Variants in DIS3L2 observed in about 807,000 individuals in gnomAD.
DIS3L2 encodes the protein DIS3 like 3'-5' exoribonuclease 2, also known as DIS3-like exonuclease 2.
Under a neutral mutation model 97.5 loss-of-function variants are expected in DIS3L2, and 34 were observed. That is an observed-to-expected ratio of 0.35 (90% confidence interval 0.27 to 0.46). DIS3L2 has a LOEUF of 0.46. DIS3L2 is among the 20% of genes least tolerant of loss of function. The probability of loss-of-function intolerance (pLI) is 1.00; values close to 1 mark genes in which losing one functional copy is unlikely to be tolerated. For synonymous variants in DIS3L2, 435 were observed against 445.2 expected, an observed-to-expected ratio of 0.98 and a Z score of 0.29; for missense variants, 1,038 against 1,146.0, an observed-to-expected ratio of 0.91 and a Z score of 1.36.
At chr2:232,114,896 A>G (rs931796458) in intron 6 of DIS3L2, among the ~76,000 whole-genome samples, 2 of 152,224 alleles carry the variant, frequency 1.3e-5, no homozygotes, top group African/African-American at 2.4e-5. Flanking sequence ...ATGGAGTATA[A>G]GAAGTCCAAG....
At chr2:231,964,725 C>G (rs1389023554) in intron 1 of DIS3L2, among the ~76,000 whole-genome samples, 1 of 152,136 alleles carries the variant, frequency 6.6e-6, no homozygotes, top group African/African-American at 2.4e-5. Flanking sequence ...TATTAAGCAT[C>G]TACAGCATTA....
rs147334993 is a variant in DIS3L2 at position 232,294,976 on chromosome 2, G to A, written c.1660-5064G>A. Among the ~76,000 whole-genome samples the A allele has an allele frequency of 2.1e-3, 317 of 151,848 alleles. 2 individuals carry two copies. Among genetic ancestry groups the A allele is most frequent in the African/African-American group, 7.1e-3 (295 of 41,380 alleles). ...CCATTTATTTCCTTCCTGTTCCCCC[G>A]TAGGTCTCCTGGTCCATATGCTGCC... On this transcript the variant is annotated intron_variant, in intron 13 of 20. Coordinates refer to ENST00000325385, the MANE Select transcript of DIS3L2 (RefSeq NM_152383.5).
At chr2:232,181,608 G>A (rs1247824920) in intron 9 of DIS3L2, among the ~76,000 whole-genome samples, 1 of 151,786 alleles carries the variant, frequency 6.6e-6, no homozygotes, top group Non-Finnish European at 1.5e-5. Flanking sequence ...GATCGCATCG[G>A]CCACCATGCC....
intron 6 of DIS3L2, among the ~76,000 whole-genome samples, chr2:232,101,023 G>A (rs1230087390): frequency 6.6e-6 from 1 of 151,994 alleles, no homozygotes. Flanking sequence ...ATCAGTTGAG[G>A]TCAGGAGTTT....
intron 5 of DIS3L2, among the ~76,000 whole-genome samples, chr2:232,077,941 CTTTT>C (rs1211746914): frequency 2.0e-5 from 3 of 148,456 alleles, no homozygotes; most frequent in Non-Finnish European, 4.5e-5. Flanking sequence ...TTCTTTCTTT[CTTTT>C]TCTTTCTTTC....
chr2:232,329,785 T>TGCCGGGGGGGGGCG, intron 14 of DIS3L2, 28 bp from the exon 15 acceptor site: 9 of 967,142 alleles, frequency 9.3e-6, no homozygotes, highest in African/African-American at 1.7e-5. Context: ...ACCCCAGCGG[T>TGCCGGGGGGGGGCG]CCCTCCCATC....
At chr2:232,225,758 A>G (rs910660309) in intron 10 of DIS3L2, among the ~76,000 whole-genome samples, 1 of 152,200 alleles carries the variant, frequency 6.6e-6, no homozygotes, top group Admixed American at 6.5e-5. Flanking sequence ...ATGAAGGAGT[A>G]CAAAAAAAAT....
intron 5 of DIS3L2, among the ~76,000 whole-genome samples, chr2:232,086,715 AC>A (rs1175865741): frequency 1.4e-5 from 2 of 146,764 alleles, no homozygotes; most frequent in Non-Finnish European, 3.0e-5. Context: ...TCGCTCTGTC[AC>A]CCAGACTGGA....
At chr2:232,324,495 G>A (rs980207886) in intron 14 of DIS3L2, among the ~76,000 whole-genome samples, 6 of 152,094 alleles carry the variant, frequency 3.9e-5, no homozygotes, top group African/African-American at 1.4e-4. Context: ...TTGGGCACTG[G>A]TCCTGCCCCT....
intron 14 of DIS3L2, among the ~76,000 whole-genome samples, chr2:232,303,516 C>G (rs932483221): frequency 6.6e-6 from 1 of 152,206 alleles, no homozygotes; most frequent in African/African-American, 2.4e-5. Flanking sequence ...TACTGCCTTT[C>G]CTTTTTGGAT....
At chr2:232,000,214 A>T (rs1440384915) in intron 1 of DIS3L2, among the ~76,000 whole-genome samples, 1 of 152,166 alleles carries the variant, frequency 6.6e-6, no homozygotes, top group African/African-American at 2.4e-5. Flanking sequence ...TTCTTTTTAA[A>T]AATTGTTGTA....
intron 5 of DIS3L2, among the ~76,000 whole-genome samples, chr2:232,031,337 A>G (rs1462903996): frequency 6.6e-6 from 1 of 152,166 alleles, no homozygotes; most frequent in Non-Finnish European, 1.5e-5. Context: ...CCAGGTATTC[A>G]TAGGGTGTAG....
At chr2:232,321,032 G>A (rs1695416646) in intron 14 of DIS3L2, among the ~76,000 whole-genome samples, 1 of 152,182 alleles carries the variant, frequency 6.6e-6, no homozygotes, top group Non-Finnish European at 1.5e-5. Context: ...GGTGCGGGGA[G>A]CAGAGGGGGC....
At chr2:232,111,162 A>G (rs774179109) in intron 6 of DIS3L2, 1 of 451,978 alleles carries the variant, frequency 2.2e-6, no homozygotes, top group South Asian at 1.6e-5. Context: ...AAAGTTTAGA[A>G]ACAACTGATA....
chr2:232,108,127 T>G (rs553817118), intron 6 of DIS3L2, among the ~76,000 whole-genome samples: 6 of 151,822 alleles, frequency 4.0e-5, no homozygotes, highest in African/African-American at 1.4e-4. Flanking sequence ...AGTGTAAAAA[T>G]CCTCAAAAAA....
At chr2:232,272,118 T>G (rs1256503261) in intron 13 of DIS3L2, among the ~76,000 whole-genome samples, 1 of 152,224 alleles carries the variant, frequency 6.6e-6, no homozygotes, top group African/African-American at 2.4e-5. Context: ...GTGCTTACTC[T>G]CCTTGTAGGC....
At chr2:231,977,509 T>C (rs535564673) in intron 1 of DIS3L2, among the ~76,000 whole-genome samples, 83 of 152,354 alleles carry the variant, frequency 5.4e-4, no homozygotes, top group Non-Finnish European at 1.0e-3. Flanking sequence ...GGATCCTGCC[T>C]CAGCTTAAGG....
chr2:232,343,267 C>A, intron 13 of DIS3L2: 1 of 1,260,660 alleles, frequency 7.9e-7, no homozygotes, highest in Non-Finnish European at 1.1e-6. Flanking sequence ...TGAGTAGGCT[C>A]ACCTTTCACT....
chr2:232,049,094 C>G (rs1695328392), intron 5 of DIS3L2, among the ~76,000 whole-genome samples: 2 of 152,064 alleles, frequency 1.3e-5, no homozygotes, highest in Admixed American at 1.3e-4. Context: ...AATAAATTGT[C>G]ACTTTTAATG....
Sources: gnomAD v4.1 joint callset for allele counts (sites outside exome capture counted in the v4.1 genomes callset) on GRCh38, gnomAD v4.1.1 for gene constraint, MANE v1.5 for transcripts, NCBI Gene and HGNC (gene_info 2026-07-23, HGNC 2026-07-21) for gene names.